SLC24A2: variants seen among roughly 807,000 people sequenced by gnomAD.
SLC24A2 encodes the protein sodium/potassium/calcium exchanger 2.
SLC24A2 carries 36 observed loss-of-function variants against 62.0 expected under a neutral mutation model. The ratio of observed to expected loss-of-function variants is 0.58; its 90% CI spans 0.44 to 0.77. SLC24A2 has a LOEUF of 0.77. Ranked by LOEUF, SLC24A2 falls within the 30% of genes least tolerant of loss-of-function variation. The probability of loss-of-function intolerance (pLI) is 0.00; values close to 1 mark genes in which losing one functional copy is unlikely to be tolerated. For synonymous variants in SLC24A2, 358 were observed against 294.0 expected (o/e 1.22, Z -2.23); for missense variants, 846 against 817.9 (o/e 1.03, Z -0.42).
the SLC24A2 span, among the ~76,000 whole-genome samples, chr9:19,875,483 C>T: frequency 6.6e-6 from 1 of 152,158 alleles, no homozygotes; most frequent in African/African-American, 2.4e-5. Context: ...CCTCTTTGTT[C>T]ATCAAAGCAT....
the SLC24A2 span, among the ~76,000 whole-genome samples, chr9:20,068,529 C>T: frequency 9.2e-5 from 14 of 152,222 alleles, no homozygotes; most frequent in African/African-American, 3.4e-4. Flanking sequence ...CCGCCTTAAA[C>T]AAAACTCTAA....
At chr9:20,212,010 ATAAT>A in the SLC24A2 span, among the ~76,000 whole-genome samples, 1 of 152,090 alleles carries the variant, frequency 6.6e-6, no homozygotes, top group African/African-American at 2.4e-5. Flanking sequence ...CCTAAAGAAA[ATAAT>A]TAATATATCA....
the SLC24A2 span, among the ~76,000 whole-genome samples, chr9:19,906,426 G>C: frequency 6.6e-6 from 1 of 151,430 alleles, no homozygotes; most frequent in Non-Finnish European, 1.5e-5. Context: ...AACTAGAGAA[G>C]CAAGAGCAAA....
intron 8 of SLC24A2, among the ~76,000 whole-genome samples, chr9:19,545,091 A>C (rs982328695): frequency 2.0e-5 from 3 of 152,084 alleles, no homozygotes; most frequent in Non-Finnish European, 4.4e-5. Flanking sequence ...ATCTTTTCAC[A>C]TAGTCCCATA....
the SLC24A2 span, among the ~76,000 whole-genome samples, chr9:19,932,210 T>A: frequency 6.6e-6 from 1 of 152,196 alleles, no homozygotes; most frequent in Non-Finnish European, 1.5e-5. Context: ...AATATTTTTG[T>A]TCTGAAATGG....
the SLC24A2 span, among the ~76,000 whole-genome samples, chr9:20,103,931 A>C: frequency 6.6e-6 from 1 of 152,208 alleles, no homozygotes; most frequent in Non-Finnish European, 1.5e-5. Flanking sequence ...AACCAAAGGC[A>C]AAGAAGTTAA....
At chr9:19,793,740 C>A (rs762423165), upstream of SLC24A2, among the ~76,000 whole-genome samples, 15 of 152,130 alleles carry the variant, frequency 9.9e-5, no homozygotes, top group Non-Finnish European at 2.9e-5. Flanking sequence ...TTCTACTATT[C>A]CTCATAGTAT....
chr9:20,117,817 T>C, the SLC24A2 span, among the ~76,000 whole-genome samples: 2 of 152,164 alleles, frequency 1.3e-5, no homozygotes, highest in African/African-American at 4.8e-5. Flanking sequence ...ATACATGAAT[T>C]ACCTCATTTA....
chr9:19,602,935 C>T (rs987675836), intron 4 of SLC24A2, among the ~76,000 whole-genome samples: 10 of 152,158 alleles, frequency 6.6e-5, no homozygotes, highest in African/African-American at 2.2e-4. Flanking sequence ...TATTGCCTCC[C>T]CATGCATCAA....
At chr9:19,842,948 A>G in the SLC24A2 span, among the ~76,000 whole-genome samples, 7 of 152,098 alleles carry the variant, frequency 4.6e-5, no homozygotes, top group Non-Finnish European at 7.4e-5. Context: ...CTTAATTATT[A>G]TGTTTTCAAT....
At chr9:19,527,132 T>C (rs1833480274) in intron 9 of SLC24A2, among the ~76,000 whole-genome samples, 1 of 152,214 alleles carries the variant, frequency 6.6e-6, no homozygotes, top group African/African-American at 2.4e-5. Context: ...TATTTCCTTA[T>C]TTCAAATTTC....
chr9:19,618,875 C>T (rs994317466), intron 4 of SLC24A2, among the ~76,000 whole-genome samples: 1 of 152,174 alleles, frequency 6.6e-6, no homozygotes, highest in African/African-American at 2.4e-5. Context: ...TATCTATCAA[C>T]TTGAAAATAA....
At chr9:19,565,753 G>C (rs902230537) in intron 7 of SLC24A2, among the ~76,000 whole-genome samples, 1 of 152,242 alleles carries the variant, frequency 6.6e-6, no homozygotes, top group African/African-American at 2.4e-5. Context: ...CATGGTACTG[G>C]TACCAAAACA....
the SLC24A2 span, among the ~76,000 whole-genome samples, chr9:20,261,786 C>T: frequency 1.7e-5 from 2 of 119,116 alleles, no homozygotes; most frequent in African/African-American, 6.6e-5. Context: ...GTCACTCAGA[C>T]TGGAGTGCAG....
the SLC24A2 span, among the ~76,000 whole-genome samples, chr9:20,071,096 C>T: frequency 6.6e-6 from 1 of 152,206 alleles, no homozygotes; most frequent in Non-Finnish European, 1.5e-5. Flanking sequence ...ATCTCACTCC[C>T]TCCTTGCCTT....
At chr9:19,598,109 TTC>T (rs1836751352) in intron 4 of SLC24A2, among the ~76,000 whole-genome samples, 1 of 152,196 alleles carries the variant, frequency 6.6e-6, no homozygotes, top group Non-Finnish European at 1.5e-5. Flanking sequence ...GATACACCAT[TTC>T]TGTTTTCTTC....
At chr9:19,864,203 A>G in the SLC24A2 span, among the ~76,000 whole-genome samples, 1 of 152,022 alleles carries the variant, frequency 6.6e-6, no homozygotes, top group Non-Finnish European at 1.5e-5. Context: ...GTCTTCCAAT[A>G]AAGAAAAGCC....
the SLC24A2 span, among the ~76,000 whole-genome samples, chr9:20,290,852 C>T: frequency 4.3e-3 from 650 of 152,334 alleles, 3 homozygotes; most frequent in Middle Eastern, 6.8e-3. Flanking sequence ...CCATTGCAAC[C>T]TTGTGCCCAG....
In SLC24A2 at chr9:19,636,325, TTC is replaced by T. The variant is rs1554690397; in HGVS notation, c.931-14028_931-14027del. Among the ~76,000 whole-genome samples the T allele has an allele frequency of 4.6e-4, 10 of 21,936 alleles. 1 individual carries two copies. Among genetic ancestry groups the T allele is most frequent in the East Asian group, 2.9e-3 (3 of 1,034 alleles). 14.4% of individuals were successfully genotyped at this position (21,936 alleles called of 152,430 possible). A position where few individuals can be genotyped will look rare whatever the true frequency, so the allele number is the denominator to read the frequency against. On this transcript the variant is annotated intron_variant, in intron 2 of 10. Coordinates refer to ENST00000341998, the MANE Select transcript of SLC24A2 (RefSeq NM_020344.4). ...TTTTCTTTTCTTTTCTTTTCTTTCT[TTC>T]TTTCTTTCTTTCTTTCTTTCTTTCT... is the stretch of plus-strand genomic sequence containing the variant.
Sources: allele counts gnomAD v4.1 joint callset (sites outside exome capture counted in the v4.1 genomes callset), GRCh38; gene constraint gnomAD v4.1.1; transcripts MANE v1.5; gene names NCBI Gene and HGNC (gene_info 2026-07-23, HGNC 2026-07-21).